The following ST6GALNAC3 variants were observed in gnomAD, a reference collection of about 807,000 sequenced individuals.
The protein encoded by ST6GALNAC3 is ST6 N-acetylgalactosaminide alpha-2,6-sialyltransferase 3.
In ST6GALNAC3, 25 loss-of-function variants were observed where a neutral mutation model predicts 32.7. The ratio of observed to expected loss-of-function variants is 0.76; its 90% CI spans 0.56 to 1.07. The LOEUF is 1.07. ST6GALNAC3 is among the 50% of genes least tolerant of loss of function. The probability of loss-of-function intolerance (pLI) is 0.00; values close to 1 mark genes in which losing one functional copy is unlikely to be tolerated. For synonymous variants in ST6GALNAC3, 129 were observed against 133.1 expected (o/e 0.97, Z 0.21); for missense variants, 355 against 382.4 (o/e 0.93, Z 0.60).
intron 1 of ST6GALNAC3, among the ~76,000 whole-genome samples, chr1:76,140,118 G>A (rs1650221928): frequency 6.6e-6 from 1 of 152,072 alleles, no homozygotes; most frequent in Non-Finnish European, 1.5e-5. Flanking sequence ...TTTTCTGACT[G>A]CAGAAGTGGA....
At chr1:76,598,959 TA>T (rs2100617848) in intron 3 of ST6GALNAC3, among the ~76,000 whole-genome samples, 1 of 152,284 alleles carries the variant, frequency 6.6e-6, no homozygotes, top group Non-Finnish European at 1.5e-5. Flanking sequence ...AAAGAGAAAA[TA>T]ACGATGAAAC....
At position 76,570,819 on chromosome 1, in the gene ST6GALNAC3, C is replaced by T. The variant is rs562597635; in HGVS notation, c.624-56633C>T. Among the ~76,000 whole-genome samples the T allele has an allele frequency of 3.3e-5, 5 of 152,022 alleles. No individual in the cohort carries two copies. The East Asian group carries it at 9.7e-4, about 29-fold the overall frequency. On this transcript the variant is annotated intron_variant, in intron 3 of 4. Coordinates refer to ENST00000328299, the MANE Select transcript of ST6GALNAC3 (RefSeq NM_152996.4). ...TTTCACCCAGAAATATCGTTCTCTC[C>T]AAGGACTTTTTTCTTGGTACTCTCC...
At chr1:76,432,891 A>G (rs6688867) in intron 3 of ST6GALNAC3, among the ~76,000 whole-genome samples, 6,672 of 152,296 alleles carry the variant, frequency 0.044, 517 homozygotes, top group African/African-American at 0.15. Flanking sequence ...TTGTTTCAAA[A>G]GGAATTTGGC....
chr1:76,284,204 G>A (rs1331608348), intron 1 of ST6GALNAC3, among the ~76,000 whole-genome samples: 1 of 152,176 alleles, frequency 6.6e-6, no homozygotes, highest in Non-Finnish European at 1.5e-5. Context: ...GAAGGTAAAT[G>A]TATGTTGATA....
chr1:76,246,262 G>C (rs967160451), intron 1 of ST6GALNAC3, among the ~76,000 whole-genome samples: 7 of 152,032 alleles, frequency 4.6e-5, no homozygotes, highest in African/African-American at 9.7e-5. Flanking sequence ...CATTTGCTTG[G>C]TAAATATTCC....
intron 1 of ST6GALNAC3, among the ~76,000 whole-genome samples, chr1:76,175,248 T>C (rs927233114): frequency 6.6e-6 from 1 of 152,186 alleles, no homozygotes; most frequent in Non-Finnish European, 1.5e-5. Flanking sequence ...CAGCAAGAGA[T>C]TGTAATCCGC....
chr1:76,205,533 C>T (rs1654772883), intron 1 of ST6GALNAC3, among the ~76,000 whole-genome samples: 1 of 152,152 alleles, frequency 6.6e-6, no homozygotes, highest in African/African-American at 2.4e-5. Flanking sequence ...TCCAGCTGGA[C>T]ACCTGAATCC....
intron 3 of ST6GALNAC3, among the ~76,000 whole-genome samples, chr1:76,433,659 A>G (rs1472414979): frequency 6.6e-6 from 1 of 152,216 alleles, no homozygotes; most frequent in African/African-American, 2.4e-5. Context: ...GGAGATGGAC[A>G]GCAGTCTGTG....
intron 3 of ST6GALNAC3, among the ~76,000 whole-genome samples, chr1:76,582,304 T>G (rs758561526): frequency 1.3e-5 from 2 of 152,182 alleles, no homozygotes; most frequent in Non-Finnish European, 2.9e-5. Flanking sequence ...CCACAGGCAG[T>G]CTTTCCATGT....
chr1:76,530,840 T>A (rs1663206666), intron 3 of ST6GALNAC3, among the ~76,000 whole-genome samples: 1 of 152,162 alleles, frequency 6.6e-6, no homozygotes, highest in Non-Finnish European at 1.5e-5. Context: ...CCCTATTTAA[T>A]GACTCCAAAT....
intron 3 of ST6GALNAC3, among the ~76,000 whole-genome samples, chr1:76,613,421 G>C (rs1050666002): frequency 1.4e-4 from 22 of 152,166 alleles, no homozygotes. Flanking sequence ...AATCCTACCA[G>C]ATAAAGTCAG....
At chr1:76,369,541 G>A (rs1650651014) in intron 2 of ST6GALNAC3, among the ~76,000 whole-genome samples, 1 of 152,116 alleles carries the variant, frequency 6.6e-6, no homozygotes, top group African/African-American at 2.4e-5. Flanking sequence ...AAGTCACACA[G>A]CTAGTAATGA....
intron 2 of ST6GALNAC3, among the ~76,000 whole-genome samples, chr1:76,334,537 T>C (rs139891347): frequency 1.3e-5 from 2 of 152,214 alleles, no homozygotes; most frequent in African/African-American, 4.8e-5. Context: ...AAAGCGATGT[T>C]GGACAAATGA....
chr1:76,187,027 A>AT (rs1439519042), intron 1 of ST6GALNAC3, among the ~76,000 whole-genome samples: 4 of 152,004 alleles, frequency 2.6e-5, no homozygotes, highest in Admixed American at 2.6e-4. Context: ...TAAGCATGAG[A>AT]TTTTTTAAAA....
chr1:76,435,177 T>A (rs1431119713), intron 3 of ST6GALNAC3, among the ~76,000 whole-genome samples: 1 of 152,136 alleles, frequency 6.6e-6, no homozygotes, highest in African/African-American at 2.4e-5. Context: ...TAAAATTGAC[T>A]TAAACGTCTA....
intron 3 of ST6GALNAC3, among the ~76,000 whole-genome samples, chr1:76,423,572 G>A (rs1164200391): frequency 6.6e-6 from 1 of 151,910 alleles, no homozygotes; most frequent in African/African-American, 2.4e-5. Flanking sequence ...CAGAGAACTG[G>A]TTAAAATTTA....
chr1:76,415,643 CTTCT>C (rs1377050839), intron 3 of ST6GALNAC3, among the ~76,000 whole-genome samples: 2 of 152,006 alleles, frequency 1.3e-5, no homozygotes, highest in Non-Finnish European at 2.9e-5. Flanking sequence ...TCTTTGATAG[CTTCT>C]TTGTTTCCTG....
At chr1:76,554,340 G>T (rs1051216841) in intron 3 of ST6GALNAC3, among the ~76,000 whole-genome samples, 2 of 152,094 alleles carry the variant, frequency 1.3e-5, no homozygotes, top group Non-Finnish European at 2.9e-5. Context: ...TAGAGTTCCA[G>T]ATATACATCT....
chr1:76,128,871 C>T (rs1348996530), intron 1 of ST6GALNAC3, among the ~76,000 whole-genome samples: 2 of 152,198 alleles, frequency 1.3e-5, no homozygotes, highest in African/African-American at 4.8e-5. Context: ...GGTTTACAGA[C>T]AACAGCCACC....
Sources: gnomAD v4.1 joint callset for allele counts (sites outside exome capture counted in the v4.1 genomes callset) on GRCh38, gnomAD v4.1.1 for gene constraint, MANE v1.5 for transcripts, NCBI Gene and HGNC (gene_info 2026-07-23, HGNC 2026-07-21) for gene names.